Variants in MRTFA observed in about 807,000 individuals in gnomAD.
MRTFA encodes the protein myocardin related transcription factor A, also known as myocardin-related transcription factor A.
Under a neutral mutation model 83.5 loss-of-function variants are expected in MRTFA, and 20 were observed. The ratio of observed to expected loss-of-function variants is 0.24; its 90% CI spans 0.17 to 0.35. MRTFA has a LOEUF of 0.35. Among genes scored for constraint, MRTFA ranks in the 10% least tolerant of loss-of-function variants. The probability of loss-of-function intolerance (pLI) is 1.00; values close to 1 mark genes in which losing one functional copy is unlikely to be tolerated. For synonymous variants in MRTFA, 659 were observed against 541.2 expected (o/e 1.22, Z -3.02); for missense variants, 1,200 against 1,224.7 (o/e 0.98, Z 0.30).
At chr22:40,611,130 G>T (rs1324425639) in intron 1 of MRTFA, among the ~76,000 whole-genome samples, 1 of 151,788 alleles carries the variant, frequency 6.6e-6, no homozygotes, top group Non-Finnish European at 1.5e-5. Flanking sequence ...GTAGAGAAGG[G>T]GTTTCAGCAT....
rs771492412 is a variant in MRTFA at position 40,429,608 on chromosome 22, A to G, written c.599T>C (p.Ile200Thr). 5.6e-6 allele frequency: 9 copies of G among 1,613,978 alleles called. No individual in the cohort carries two copies. The highest frequency in any genetic ancestry group is 5.9e-6 in the Non-Finnish European group (7 of 1,179,988). ...CAGGGTGGCTGGGTCCTCCTCACCA[A>G]TGATGGCTTCCTTCAGGCTGGACTC... The change falls in exon 7 of 15, where the codon ATT (isoleucine) becomes ACT (threonine). Residue 200 changes from isoleucine (I) to threonine (T), a missense_variant and splice_region_variant. Around this residue, in one of 2 missense-constraint regions of MRTFA, gnomAD observed 93 missense variants for 182.9 expected, o/e 0.51. Coordinates refer to ENST00000355630, the MANE Select transcript of MRTFA (RefSeq NM_020831.6).
intron 3 of MRTFA, among the ~76,000 whole-genome samples, chr22:40,509,325 T>A (rs1478862769): frequency 6.6e-6 from 1 of 152,254 alleles, no homozygotes; most frequent in African/African-American, 2.4e-5. Flanking sequence ...ATCTTGTTTG[T>A]GTCAACTAAG....
intron 2 of MRTFA, among the ~76,000 whole-genome samples, chr22:40,555,921 G>C (rs561272533): frequency 1.3e-5 from 2 of 152,124 alleles, no homozygotes; most frequent in East Asian, 3.9e-4. Context: ...TTACAGGCGT[G>C]AGCCACCATG....
At chr22:40,462,178 G>T (rs2053726808) in intron 4 of MRTFA, among the ~76,000 whole-genome samples, 1 of 152,088 alleles carries the variant, frequency 6.6e-6, no homozygotes, top group Admixed American at 6.5e-5. Context: ...TACTTACCAG[G>T]CTCTGAACTT....
chr22:40,551,144 C>G (rs991619934), intron 3 of MRTFA, among the ~76,000 whole-genome samples: 1 of 151,864 alleles, frequency 6.6e-6, no homozygotes, highest in Admixed American at 6.6e-5. Context: ...CCTCTTTATA[C>G]ATTTTCTCAA....
At chr22:40,597,975 G>C (rs1282359295) in intron 1 of MRTFA, among the ~76,000 whole-genome samples, 1 of 152,152 alleles carries the variant, frequency 6.6e-6, no homozygotes, top group African/African-American at 2.4e-5. Flanking sequence ...GTTATGCAAA[G>C]GTATGAGCTC....
At chr22:40,590,995 C>A (rs373730097) in intron 2 of MRTFA, among the ~76,000 whole-genome samples, 1 of 151,932 alleles carries the variant, frequency 6.6e-6, no homozygotes, top group Non-Finnish European at 1.5e-5. Flanking sequence ...ATTAGCCGGG[C>A]GTGGTGGCAC....
At chr22:40,553,536 G>A (rs979634267) in intron 2 of MRTFA, among the ~76,000 whole-genome samples, 3 of 152,154 alleles carry the variant, frequency 2.0e-5, no homozygotes, top group Admixed American at 6.5e-5. Context: ...CTCAGCAGCC[G>A]CCATGTGGTG....
At chr22:40,481,809 C>G (rs550800160) in intron 3 of MRTFA, among the ~76,000 whole-genome samples, 32 of 152,146 alleles carry the variant, frequency 2.1e-4, no homozygotes, top group Middle Eastern at 6.8e-3. Context: ...GCCTGTAATC[C>G]CAGCACTTTG....
Position 40,429,594 on chromosome 22 carries a change from G to T in MRTFA, c.601+12C>A, listed in dbSNP as rs781575998. 5.0e-5 allele frequency: 80 copies of T among 1,613,900 alleles called. No individual in the cohort carries two copies. Among genetic ancestry groups the T allele is most frequent in the Non-Finnish European group, 6.5e-5 (77 of 1,180,004 alleles). On this transcript the variant is annotated intron_variant, in intron 7 of 14. Coordinates refer to ENST00000355630, the MANE Select transcript of MRTFA (RefSeq NM_020831.6). ...AGCTGCCTCTCACACAGGGTGGCTG[G>T]GTCCTCCTCACCAATGATGGCTTCC...
intron 4 of MRTFA, among the ~76,000 whole-genome samples, chr22:40,441,677 C>T (rs2053277592): frequency 6.6e-6 from 1 of 151,950 alleles, no homozygotes. Context: ...ATCCCAGCTA[C>T]TCTGGAGGCT....
At chr22:40,512,198 T>A (rs185860665) in intron 3 of MRTFA, among the ~76,000 whole-genome samples, 79 of 152,322 alleles carry the variant, frequency 5.2e-4, no homozygotes, top group Non-Finnish European at 4.6e-4. Flanking sequence ...GAGATTAAGA[T>A]CATACAGTTC....
intron 3 of MRTFA, among the ~76,000 whole-genome samples, chr22:40,502,653 C>T (rs1469080198): frequency 1.3e-5 from 2 of 150,000 alleles, no homozygotes; most frequent in Admixed American, 6.6e-5. Context: ...GACGGGGTGG[C>T]GGCCGGGCAG....
At chr22:40,463,833 C>T (rs1336114882) in intron 3 of MRTFA, among the ~76,000 whole-genome samples, 1 of 152,058 alleles carries the variant, frequency 6.6e-6, no homozygotes, top group Non-Finnish European at 1.5e-5. Flanking sequence ...GTTAATATGC[C>T]TCTGTTTTTC....
chr22:40,429,476 CT>C (rs746497673), intron 7 of MRTFA, 129 bp downstream of exon 7: 61 of 1,077,344 alleles, frequency 5.7e-5, no homozygotes, highest in Non-Finnish European at 8.6e-5. Context: ...TGCCTTGGTT[CT>C]CCCAAGGCTA....
At chr22:40,595,742 G>C (rs2056182934) in intron 1 of MRTFA, among the ~76,000 whole-genome samples, 1 of 152,000 alleles carries the variant, frequency 6.6e-6, no homozygotes, top group Non-Finnish European at 1.5e-5. Flanking sequence ...TTACGTAAGA[G>C]ATGCTCTAAA....
At chr22:40,454,975 A>T (rs1242043225) in intron 4 of MRTFA, among the ~76,000 whole-genome samples, 1 of 152,064 alleles carries the variant, frequency 6.6e-6, no homozygotes. Flanking sequence ...TAATTTTTAA[A>T]AACTTTTTGG....
At chr22:40,515,188 T>A (rs544894789) in intron 3 of MRTFA, among the ~76,000 whole-genome samples, 1 of 152,172 alleles carries the variant, frequency 6.6e-6, no homozygotes, top group Admixed American at 6.5e-5. Flanking sequence ...ATTACAGGCC[T>A]GAGCCACTGT....
chr22:40,570,891 C>A (rs2055780736), intron 2 of MRTFA, among the ~76,000 whole-genome samples: 1 of 151,300 alleles, frequency 6.6e-6, no homozygotes, highest in Admixed American at 6.6e-5. Flanking sequence ...GGAACATAAT[C>A]CTAATAAAGA....
Sources: allele counts gnomAD v4.1 joint callset (sites outside exome capture counted in the v4.1 genomes callset), GRCh38; gene constraint gnomAD v4.1.1; regional missense constraint gnomAD v4.1.1; transcripts MANE v1.5; gene names NCBI Gene and HGNC (gene_info 2026-07-23, HGNC 2026-07-21).